Variants in ELF4 observed in about 807,000 individuals in gnomAD.
ELF4 encodes ETS-related transcription factor Elf-4.
Under a neutral mutation model 31.7 loss-of-function variants are expected in ELF4, and 10 were observed. The ratio of observed to expected loss-of-function variants is 0.32; its 90% CI spans 0.19 to 0.54. ELF4 has a LOEUF of 0.54. Among genes scored for constraint, ELF4 ranks in the 20% least tolerant of loss-of-function variants. ELF4 has a pLI of 0.95. For synonymous variants in ELF4, 208 were observed against 226.7 expected (o/e 0.92, Z 0.74); for missense variants, 418 against 522.0 (o/e 0.80, Z 1.94).
chrX:130,100,394 G>A (rs745789077), intron 1 of ELF4, among the ~76,000 whole-genome samples: 1 of 111,428 alleles, frequency 9.0e-6, no homozygotes, highest in South Asian at 3.8e-4. Flanking sequence ...GTTTCCAAAG[G>A]TCCTTCACAG....
intron 1 of ELF4, among the ~76,000 whole-genome samples, chrX:130,087,118 C>T (rs1449971985): frequency 1.8e-5 from 2 of 112,837 alleles, no homozygotes; most frequent in African/African-American, 6.4e-5. Context: ...AAAGAGCACC[C>T]CCTGGAAGTG....
At chrX:130,111,729 TC>T (rs1188278283), upstream of ELF4, among the ~76,000 whole-genome samples, 4 of 111,754 alleles carry the variant, frequency 3.6e-5, no homozygotes, top group Non-Finnish European at 7.5e-5. Context: ...CTACCTTTCT[TC>T]CCCTGTCCAA....
intron 1 of ELF4, among the ~76,000 whole-genome samples, chrX:130,084,271 G>A (rs1932930409): frequency 8.9e-6 from 1 of 112,379 alleles, no homozygotes; most frequent in African/African-American, 3.2e-5. Flanking sequence ...AATGCTGGCT[G>A]GAAGTGGCTG....
chrX:130,101,247 C>G (rs1359196474), intron 1 of ELF4, among the ~76,000 whole-genome samples: 1 of 112,142 alleles, frequency 8.9e-6, no homozygotes, highest in African/African-American at 3.2e-5. Context: ...TTTAAAGAAG[C>G]CTTTTGTTTT....
At chrX:130,109,500 G>T (rs1175794540) in intron 1 of ELF4, among the ~76,000 whole-genome samples, 1 of 112,848 alleles carries the variant, frequency 8.9e-6, no homozygotes, top group African/African-American at 3.2e-5. Context: ...CTCAGCTGGG[G>T]TATGGTGCGG....
chrX:130,111,322 C>T (rs1245853949), upstream of ELF4, among the ~76,000 whole-genome samples: 2 of 112,493 alleles, frequency 1.8e-5, no homozygotes, highest in African/African-American at 6.4e-5. Context: ...AAATCCCTTC[C>T]CCGCGGACTC....
intron 1 of ELF4, among the ~76,000 whole-genome samples, chrX:130,094,575 AAAAG>A (rs955875320): frequency 7.4e-5 from 8 of 108,667 alleles, no homozygotes; most frequent in Admixed American, 2.9e-4. Flanking sequence ...CAAAAAAAAA[AAAAG>A]AGAGAGAGAG....
intron 1 of ELF4, among the ~76,000 whole-genome samples, chrX:130,096,668 C>A (rs984977037): frequency 4.1e-4 from 46 of 111,073 alleles, no homozygotes; most frequent in African/African-American, 1.3e-3. Flanking sequence ...AGAAGGGCAG[C>A]GGCCCACTGA....
chrX:130,079,947 A>G (rs757962148), intron 2 of ELF4, among the ~76,000 whole-genome samples: 5 of 112,011 alleles, frequency 4.5e-5, no homozygotes, highest in Non-Finnish European at 9.4e-5. Context: ...GCAAGGAGGT[A>G]GACGGAAAGT....
chrX:130,074,268 A>C, intron 3 of ELF4, 127 bp from the exon 4 acceptor site: 1 of 756,992 alleles, frequency 1.3e-6, no homozygotes, highest in Non-Finnish European at 2.0e-6. Flanking sequence ...GCTGACCCTG[A>C]AGTGAGTGCT....
chrX:130,070,728 C>T (rs1479298022), intron 7 of ELF4, among the ~76,000 whole-genome samples: 1 of 92,128 alleles, frequency 1.1e-5, no homozygotes, highest in Non-Finnish European at 2.1e-5. Context: ...GCCGAGATTG[C>T]GCCACTGCAT....
At chrX:130,098,193 G>A (rs1481435261) in intron 1 of ELF4, among the ~76,000 whole-genome samples, 3 of 111,971 alleles carry the variant, frequency 2.7e-5, no homozygotes, top group Non-Finnish European at 5.6e-5. Context: ...CTGCCAGAGC[G>A]AAACCTGAAT....
intron 1 of ELF4, among the ~76,000 whole-genome samples, chrX:130,093,442 C>T (rs914607614): frequency 8.9e-6 from 1 of 112,003 alleles, no homozygotes; most frequent in African/African-American, 3.2e-5. Flanking sequence ...GAAACTCTCA[C>T]ATTCCATGGT....
chrX:130,081,606 C>T, intron 1 of ELF4, 67 bp from the exon 2 acceptor site: 1 of 401,513 alleles, frequency 2.5e-6, no homozygotes, highest in Non-Finnish European at 4.4e-6. Flanking sequence ...GCCAGAACTG[C>T]CTATGAACCA....
Position 130,067,415 on chromosome X carries a change from G to A in ELF4, c.1298C>T (p.Pro433Leu), listed in dbSNP as rs1466668387. The change falls in exon 9 of 9, where the codon CCT (proline) becomes CTT (leucine). Residue 433 changes from proline (P) to leucine (L), a missense_variant. Transcript: ENST00000308167. Reference protein sequence around the residue: ...PLTTVLTNGPPASTTAPTQLV... With the variant: ...PLTTVLTNGPLASTTAPTQLV... The stretch of plus-strand genomic sequence containing the variant: ...CTGAGTGGGAGCAGTAGTACTGGCA[G>A]GAGGCCCATTGGTCAGCACCGTGGT... 2 of 1,212,279 alleles carry A rather than the reference G, an allele frequency of 1.6e-6. No individual in the cohort carries two copies. The highest frequency in any genetic ancestry group is 3.5e-5 in the South Asian group (2 of 57,039).
At chrX:130,110,888 A>T (rs865874339), upstream of ELF4, among the ~76,000 whole-genome samples, 2 of 93,416 alleles carry the variant, frequency 2.1e-5, no homozygotes, top group East Asian at 7.1e-4. Context: ...GAAAGGGGAA[A>T]TGCAGTAGAG....
At chrX:130,095,988 C>T (rs1484369225) in intron 1 of ELF4, among the ~76,000 whole-genome samples, 1 of 111,201 alleles carries the variant, frequency 9.0e-6, no homozygotes, top group East Asian at 2.8e-4. Flanking sequence ...GGTAGAGTCT[C>T]TTTGTATCCA....
At chrX:130,105,783 G>A (rs769862788) in intron 1 of ELF4, among the ~76,000 whole-genome samples, 1 of 110,773 alleles carries the variant, frequency 9.0e-6, no homozygotes, top group South Asian at 3.9e-4. Flanking sequence ...ATGAGCACAA[G>A]TGGCATGTCA....
intron 1 of ELF4, among the ~76,000 whole-genome samples, chrX:130,098,348 G>A (rs1017153744): frequency 3.0e-4 from 34 of 112,073 alleles, no homozygotes; most frequent in African/African-American, 1.0e-3. Context: ...GTGCCTCCTC[G>A]GCTCTTCTGT....
Sources: allele counts gnomAD v4.1 joint callset (sites outside exome capture counted in the v4.1 genomes callset), GRCh38; gene constraint gnomAD v4.1.1; transcripts MANE v1.5; gene names NCBI Gene and HGNC (gene_info 2026-07-23, HGNC 2026-07-21).